Variants in KANSL1 observed in about 807,000 individuals in gnomAD.
The protein encoded by KANSL1 is MLL1/MLL complex subunit KANSL1.
Under a neutral mutation model 103.6 loss-of-function variants are expected in KANSL1, and 22 were observed. The observed-to-expected ratio is 0.21, with a 90% CI of 0.15 to 0.30. KANSL1 has a LOEUF of 0.30. Among genes scored for constraint, KANSL1 ranks in the 10% least tolerant of loss-of-function variants. The pLI is 1.00. For synonymous variants in KANSL1, 600 were observed against 527.6 expected (o/e 1.14, Z -1.88); for missense variants, 1,337 against 1,399.8 (o/e 0.96, Z 0.72).
At chr17:46,046,653 T>C (rs1163540691) in intron 7 of KANSL1, among the ~76,000 whole-genome samples, 2 of 147,338 alleles carry the variant, frequency 1.4e-5, no homozygotes, top group African/African-American at 5.0e-5. Flanking sequence ...CTGGCCAATA[T>C]GGTGAAACCC....
At chr17:46,188,712 G>A (rs1410492549) in intron 1 of KANSL1, among the ~76,000 whole-genome samples, 1 of 152,080 alleles carries the variant, frequency 6.6e-6, no homozygotes, top group Non-Finnish European at 1.5e-5. Flanking sequence ...AGAGTACAAC[G>A]AAAGCTGCTT....
intron 1 of KANSL1, among the ~76,000 whole-genome samples, chr17:46,200,544 C>A (rs2047766040): frequency 6.6e-6 from 1 of 152,096 alleles, no homozygotes. Context: ...AGATCGAGAC[C>A]ATCCTGGCCA....
At chr17:46,135,788 C>G (rs2044110008) in intron 2 of KANSL1, among the ~76,000 whole-genome samples, 1 of 149,990 alleles carries the variant, frequency 6.7e-6, no homozygotes. Flanking sequence ...GCCTCAGCCT[C>G]CCAAAAGTGC....
At chr17:46,166,626 A>G (rs1218039491) in intron 2 of KANSL1, among the ~76,000 whole-genome samples, 1 of 152,222 alleles carries the variant, frequency 6.6e-6, no homozygotes, top group Non-Finnish European at 1.5e-5. Flanking sequence ...TTTTTACCCA[A>G]CCCTGATCTG....
rs34473927 is a variant in KANSL1, at chr17:46,052,964, CAAAAAAAAAAAAAAAAAAAAAAAA to C, written c.1849-2284_1849-2261del. ...GGGAAAAAGAGTAAGATCCTGTCTC[CAAAAAAAAAAAAAAAAAAAAAAAA>C]AAAAAAAAAAAAAAAAAGGCTGCGC... On this transcript the variant is annotated intron_variant, in intron 6 of 14. Coordinates refer to ENST00000432791, the MANE Select transcript of KANSL1 (RefSeq NM_015443.4). Among the ~76,000 whole-genome samples the C allele has an allele frequency of 1.9e-3, 64 of 33,004 alleles. 2 individuals carry two copies. Among genetic ancestry groups the C allele is most frequent in the East Asian group, 8.1e-3 (10 of 1,236 alleles). 21.7% of individuals were successfully genotyped at this position (33,004 alleles called of 152,430 possible).
intron 2 of KANSL1, among the ~76,000 whole-genome samples, chr17:46,168,217 A>G (rs1160235671): frequency 6.6e-6 from 1 of 152,264 alleles, no homozygotes; most frequent in African/African-American, 2.4e-5. Flanking sequence ...CAACTGCTGA[A>G]AACCTTTAAA....
In KANSL1 at chr17:46,030,008, A is replaced by G. The variant is rs1276069084; in HGVS notation, c.*1468T>C. The G allele has an allele frequency of 1.3e-5, 2 of 152,314 alleles. No homozygotes were observed. Among genetic ancestry groups the G allele is most frequent in the African/African-American group, 2.4e-5 (1 of 41,364 alleles). The allele number at this position is 152,314 out of a possible 1,614,324, so 9.4% of individuals were successfully genotyped here. On this transcript the variant is annotated 3_prime_UTR_variant, in exon 15 of 15. Coordinates refer to ENST00000432791, the MANE Select transcript of KANSL1 (RefSeq NM_015443.4). ...CTTTGCGAACAGAATCAAGACATTA[A>G]CAAAGATCAGCTTCTCTGAAGAAAA...
At chr17:46,100,983 T>C (rs1311230555) in intron 2 of KANSL1, among the ~76,000 whole-genome samples, 1 of 152,238 alleles carries the variant, frequency 6.6e-6, no homozygotes, top group East Asian at 1.9e-4. Flanking sequence ...AGCTACACAG[T>C]GCTACATTCA....
rs1437997159 is a variant in KANSL1, at chr17:46,039,172, C to T, written c.2247G>A (p.Gln749=). The T allele has an allele frequency of 1.2e-6, 2 of 1,606,868 alleles. No individual in the cohort carries two copies. The highest frequency in any genetic ancestry group is 1.3e-5 in the African/African-American group (1 of 74,470). ...HQTRPDRTHR[Q]HLDDVGAVPM... ...GCACGGCCCCCACATCGTCTAAGTG[C>T]TGCCTGTGGGTCCTGTCAGGCCGGG... Residue 749 remains glutamine (Q), a synonymous_variant, in exon 9 of 15, where the codon CAG becomes CAA. Coordinates refer to ENST00000432791, the MANE Select transcript of KANSL1 (RefSeq NM_015443.4).
chr17:46,091,965 C>T (rs1272769001), intron 3 of KANSL1, among the ~76,000 whole-genome samples: 2 of 152,084 alleles, frequency 1.3e-5, no homozygotes, highest in Admixed American at 6.6e-5. Context: ...TACAGGCACC[C>T]GCCACCACAC....
chr17:46,031,705 T>A lies in KANSL1; in HGVS notation c.3091-2A>T. Reference sequence around the variant, plus strand: ...CCGCCGCTCCCAGGGCTGGACAGACTGTAGGCAGACAAGTTGCTCTTTGAG... The same window carrying A: ...CCGCCGCTCCCAGGGCTGGACAGACAGTAGGCAGACAAGTTGCTCTTTGAG... On this transcript the variant is annotated splice_acceptor_variant, in intron 14 of 14. Coordinates refer to ENST00000432791, the MANE Select transcript of KANSL1 (RefSeq NM_015443.4). LOFTEE classifies it high-confidence loss of function. 6.3e-7 allele frequency: 1 copy of A among 1,593,654 alleles called. No homozygotes were observed. The highest frequency in any genetic ancestry group is 8.6e-7 in the Non-Finnish European group (1 of 1,164,652).
At chr17:46,200,341 A>G (rs56177182) in intron 1 of KANSL1, among the ~76,000 whole-genome samples, 17,224 of 150,280 alleles carry the variant, frequency 0.11, no homozygotes, top group Non-Finnish European at 0.17. Context: ...ACTTCAAGGC[A>G]GCTGTGAGCA....
intron 3 of KANSL1, chr17:46,088,445 TTG>T (rs1339541487): frequency 2.6e-5 from 4 of 152,208 alleles, no homozygotes; most frequent in Non-Finnish European, 5.9e-5. Flanking sequence ...TATGAAAATT[TTG>T]AAGAGAAAGG....
At chr17:46,119,052 C>T (rs1451038058) in intron 2 of KANSL1, among the ~76,000 whole-genome samples, 1 of 152,196 alleles carries the variant, frequency 6.6e-6, no homozygotes, top group Non-Finnish European at 1.5e-5. Context: ...ATATTTTCTA[C>T]TGAATTTGCT....
At chr17:46,115,532 A>G (rs1192855068) in intron 2 of KANSL1, among the ~76,000 whole-genome samples, 1 of 152,176 alleles carries the variant, frequency 6.6e-6, no homozygotes, top group Non-Finnish European at 1.5e-5. Flanking sequence ...GAAAGTATAC[A>G]TTCAAGGAAC....
chr17:46,176,122 A>C (rs943050567), intron 1 of KANSL1, among the ~76,000 whole-genome samples: 1 of 152,228 alleles, frequency 6.6e-6, no homozygotes, highest in Admixed American at 6.5e-5. Context: ...CAACATGTGA[A>C]GAGTAATTGT....
intron 6 of KANSL1, among the ~76,000 whole-genome samples, chr17:46,062,217 A>G (rs1178227253): frequency 6.6e-6 from 1 of 151,220 alleles, no homozygotes; most frequent in Non-Finnish European, 1.5e-5. Flanking sequence ...ACTGAAACCC[A>G]AATCATCAGT....
chr17:46,105,195 A>C (rs188587551), intron 2 of KANSL1, among the ~76,000 whole-genome samples: 1 of 152,384 alleles, frequency 6.6e-6, no homozygotes, highest in East Asian at 1.9e-4. Context: ...TCAGTTATTC[A>C]AAGTACTGCC....
At chr17:46,194,937 T>C (rs374736037), upstream of KANSL1, among the ~76,000 whole-genome samples, 2 of 152,368 alleles carry the variant, frequency 1.3e-5, no homozygotes, top group Admixed American at 6.5e-5. Context: ...CTCTCAAGCA[T>C]AGTCATAGTT....
Sources: allele counts gnomAD v4.1 joint callset (sites outside exome capture counted in the v4.1 genomes callset), GRCh38; gene constraint gnomAD v4.1.1; transcripts MANE v1.5; gene names NCBI Gene and HGNC (gene_info 2026-07-23, HGNC 2026-07-21).